BCAS1: variants seen among roughly 807,000 people sequenced by gnomAD.
BCAS1 encodes breast carcinoma-amplified sequence 1.
Under a neutral mutation model 65.4 loss-of-function variants are expected in BCAS1, and 46 were observed. The ratio of observed to expected loss-of-function variants is 0.70; its 90% confidence interval spans 0.55 to 0.90. BCAS1 has a LOEUF of 0.90. Ranked by LOEUF, BCAS1 falls within the 40% of genes least tolerant of loss-of-function variation. The probability of loss-of-function intolerance (pLI) is 0.00; values close to 1 mark genes in which losing one functional copy is unlikely to be tolerated. For synonymous variants in BCAS1, 298 were observed against 293.5 expected (o/e 1.02, Z -0.16); for missense variants, 793 against 771.2 (o/e 1.03, Z -0.33).
Position 53,944,564 on chromosome 20 carries a change from C to A in BCAS1, c.*358G>T. ...CCTCAGGTGATCCACCTGCCTCGGCCTCCCAAAGTGCTGAGATTACAGGCG... is the reference window on the plus strand; with the variant it reads ...CCTCAGGTGATCCACCTGCCTCGGCATCCCAAAGTGCTGAGATTACAGGCG... On this transcript the variant is annotated 3_prime_UTR_variant, in exon 13 of 13. Coordinates refer to ENST00000688948, the MANE Select transcript of BCAS1 (RefSeq NM_001366298.2). The A allele has an allele frequency of 4.4e-6, 1 of 225,784 alleles. No individual in the cohort carries two copies. 14.0% of individuals were successfully genotyped at this position (225,784 alleles called of 1,614,324 possible). A position where few individuals can be genotyped will look rare whatever the true frequency, so the allele number is the denominator to read the frequency against.
chr20:53,950,472 A>C lies in BCAS1; in HGVS notation c.1815+2960T>G, dbSNP rs531596189. Among the ~76,000 whole-genome samples the C allele has an allele frequency of 6.0e-3, 883 of 147,460 alleles. 7 individuals carry two copies. Among genetic ancestry groups the C allele is most frequent in the South Asian group, 0.023 (103 of 4,548 alleles). On this transcript the variant is annotated intron_variant, in intron 12 of 12. Coordinates refer to ENST00000688948, the MANE Select transcript of BCAS1 (RefSeq NM_001366298.2). ...ACACACTCAGGCAAAAGTAGCACAC[A>C]CCCCCCCATCCATACTCAGGCAAAC...
At chr20:53,969,277 TG>T (rs1389628280) in intron 9 of BCAS1, among the ~76,000 whole-genome samples, 3 of 152,192 alleles carry the variant, frequency 2.0e-5, no homozygotes, top group African/African-American at 7.2e-5. Flanking sequence ...TTAATGCTAG[TG>T]GTTGTTATTT....
At chr20:53,995,733 A>G (rs2090890103) in intron 5 of BCAS1, among the ~76,000 whole-genome samples, 159 bp downstream of exon 5, 1 of 152,104 alleles carries the variant, frequency 6.6e-6, no homozygotes. Flanking sequence ...ATATAACACA[A>G]CTTTCTTATG....
intron 8 of BCAS1, among the ~76,000 whole-genome samples, chr20:53,979,325 T>C (rs1765452953): frequency 6.6e-6 from 1 of 151,976 alleles, no homozygotes. Flanking sequence ...GAAATAGTGG[T>C]TCTGGGTAGG....
At chr20:54,007,676 C>T (rs2145932342) in intron 4 of BCAS1, among the ~76,000 whole-genome samples, 1 of 152,252 alleles carries the variant, frequency 6.6e-6, no homozygotes. Context: ...TATGGCCTTT[C>T]CAGGTGAAAT....
At chr20:54,028,240 C>T in intron 4 of BCAS1, 152 bp downstream of exon 4, 1 of 723,746 alleles carries the variant, frequency 1.4e-6, no homozygotes, top group Admixed American at 2.1e-5. Context: ...ATCAGGATGA[C>T]ACTCTGCTGC....
Position 53,975,430 on chromosome 20 carries a change from A to G in BCAS1, c.1276T>C (p.Ser426Pro), listed in dbSNP as rs199964006. 91 of 1,611,800 alleles carry G rather than the reference A, an allele frequency of 5.6e-5. No homozygotes were observed. The African/African-American group carries it at 1.2e-3, about 21-fold the overall frequency. The change falls in exon 9 of 13, where the codon TCA becomes CCA. Residue 426 changes from serine to proline, a missense_variant and splice_region_variant. Physicochemically the swap from Ser to Pro is moderately conservative, Grantham distance 74. Coordinates refer to ENST00000688948, the MANE Select transcript of BCAS1 (RefSeq NM_001366298.2). Reference protein sequence around the residue: ...LPLGKLFWKKSVKEDSVPTGA... With the variant: ...LPLGKLFWKKPVKEDSVPTGA... ...GTGGGGACTGAGTCCTCTTTAACTGACTAAAGGAAGATAAAAACAAAAGTG... is the reference window on the plus strand; with the variant it reads ...GTGGGGACTGAGTCCTCTTTAACTGGCTAAAGGAAGATAAAAACAAAAGTG...
chr20:54,021,080 A>C (rs2091546249), intron 4 of BCAS1, among the ~76,000 whole-genome samples: 1 of 152,176 alleles, frequency 6.6e-6, no homozygotes, highest in Admixed American at 6.5e-5. Flanking sequence ...TCTGGTTTCT[A>C]TCTGTGGCAT....
intron 4 of BCAS1, among the ~76,000 whole-genome samples, chr20:54,024,908 CA>C (rs932020228): frequency 1.3e-5 from 2 of 152,082 alleles, no homozygotes; most frequent in African/African-American, 4.8e-5. Flanking sequence ...AGTGAAAACA[CA>C]GAATATTGTT....
rs886817044 is a variant in BCAS1, at chr20:54,029,044, A to T, written c.143-72T>A. ...TTCAGGCACTAATAATGGACTCCAG[A>T]CATTTTTTATACAAAAGCCATACTG... On this transcript the variant is annotated intron_variant, in intron 3 of 12. Transcript: ENST00000688948. 4.0e-6 allele frequency: 6 copies of T among 1,503,560 alleles called. No individual in the cohort carries two copies. In the South Asian group the frequency reaches 8.0e-5, roughly 20 times the overall value. The allele number at this position is 1,503,560 out of a possible 1,614,324, so 93.1% of individuals were successfully genotyped here. A position where few individuals can be genotyped will look rare whatever the true frequency, so the allele number is the denominator to read the frequency against.
intron 2 of BCAS1, 36 bp downstream of exon 2, chr20:54,058,611 T>TTC (rs1555882841): frequency 6.5e-7 from 1 of 1,534,638 alleles, no homozygotes; most frequent in African/African-American, 1.4e-5. Context: ...TTTTTTTTTT[T>TTC]TTCTGCTGAT....
intron 1 of BCAS1, among the ~76,000 whole-genome samples, chr20:54,062,613 A>G (rs1204592304): frequency 1.3e-5 from 2 of 152,212 alleles, no homozygotes; most frequent in African/African-American, 4.8e-5. Flanking sequence ...ACTTTGAATC[A>G]ACACTTGAGG....
chr20:54,060,668 G>A (rs2092366318), intron 1 of BCAS1, among the ~76,000 whole-genome samples: 1 of 152,176 alleles, frequency 6.6e-6, no homozygotes, highest in Admixed American at 6.5e-5. Context: ...TCATATGGGA[G>A]ATGGCAGGTT....
In BCAS1 at chr20:53,957,504, TAACA is replaced by T. The variant is rs1407366324; in HGVS notation, c.1486-11_1486-8del. 9.9e-6 allele frequency: 16 copies of T among 1,613,438 alleles called. No individual in the cohort carries two copies. In the South Asian group the frequency reaches 1.1e-4, roughly 11 times the overall value. On this transcript the variant is annotated splice_polypyrimidine_tract_variant and splice_region_variant and intron_variant, in intron 10 of 12. Transcript: ENST00000688948. ...CTCCATCCCCTTTCACTGACTAAAA[TAACA>T]AACAGACAATGGCCTTCAGCCACAA...
At chr20:54,014,617 G>A (rs902645621) in intron 4 of BCAS1, among the ~76,000 whole-genome samples, 3 of 152,130 alleles carry the variant, frequency 2.0e-5, no homozygotes, top group African/African-American at 4.8e-5. Flanking sequence ...TTAACACCAC[G>A]AATCAGTACT....
chr20:54,065,311 T>A (rs765196496), intron 1 of BCAS1, among the ~76,000 whole-genome samples: 37 of 152,248 alleles, frequency 2.4e-4, no homozygotes, highest in Non-Finnish European at 4.1e-4. Flanking sequence ...ATGACTTACA[T>A]TGCTTTGCTA....
intron 9 of BCAS1, among the ~76,000 whole-genome samples, chr20:53,971,049 C>T (rs1206591571): frequency 6.6e-6 from 1 of 152,222 alleles, no homozygotes; most frequent in East Asian, 1.9e-4. Context: ...AAGGTCTAAA[C>T]CAATCAACAT....
chr20:53,951,446 G>A (rs977600223), intron 12 of BCAS1, among the ~76,000 whole-genome samples: 2 of 152,168 alleles, frequency 1.3e-5, no homozygotes, highest in Non-Finnish European at 2.9e-5. Flanking sequence ...ACTCCAGCCT[G>A]GGCAACAAGA....
At chr20:54,011,571 C>T (rs1002614159) in intron 4 of BCAS1, among the ~76,000 whole-genome samples, 8 of 151,994 alleles carry the variant, frequency 5.3e-5, no homozygotes, top group Non-Finnish European at 1.2e-4. Flanking sequence ...GTGGTTAAAG[C>T]AAAAAATAGT....
Sources: allele counts gnomAD v4.1 joint callset (sites outside exome capture counted in the v4.1 genomes callset), GRCh38; gene constraint gnomAD v4.1.1; transcripts MANE v1.5; gene names NCBI Gene and HGNC (gene_info 2026-07-23, HGNC 2026-07-21).